Variants in ZNF644 observed in about 807,000 individuals in gnomAD.
ZNF644 encodes zinc finger protein 644.
ZNF644 carries 20 observed loss-of-function variants against 108.0 expected under a neutral mutation model. That is an observed-to-expected ratio of 0.19 (90% CI 0.13 to 0.27). ZNF644 has a LOEUF of 0.27. Ranked by LOEUF, ZNF644 falls within the 10% of genes least tolerant of loss-of-function variation. ZNF644 has a pLI of 1.00. For synonymous variants in ZNF644, 542 were observed against 539.1 expected (o/e 1.01, Z -0.08); for missense variants, 1,338 against 1,548.9 (o/e 0.86, Z 2.29).
At chr1:90,949,687 C>A (rs2101031943) in intron 2 of ZNF644, among the ~76,000 whole-genome samples, 1 of 152,136 alleles carries the variant, frequency 6.6e-6, no homozygotes, top group Admixed American at 6.5e-5. Context: ...GTAGGTATTA[C>A]AAGAAATATA....
In ZNF644 at chr1:90,937,934, T is replaced by C. The variant is rs752661331; in HGVS notation, c.3239A>G (p.Asn1080Ser). The C allele has an allele frequency of 5.0e-6, 8 of 1,613,652 alleles. No homozygotes were observed. In the Admixed American group the frequency reaches 1.3e-4, roughly 27 times the overall value. Residue 1080 changes from asparagine to serine, a missense_variant, in exon 4 of 6, where the codon AAT (asparagine) becomes AGT (serine). Physicochemically the swap from Asn to Ser is conservative, Grantham distance 46. Coordinates refer to ENST00000337393, the MANE Select transcript of ZNF644 (RefSeq NM_201269.3). ...DAHKSPICVL[N>S]EMMQNEEKYE... ...TTTTTCTTCATTTTGCATCATCTCA[T>C]TCAGAACACAGATTGGAGATTTGTG...
intron 2 of ZNF644, among the ~76,000 whole-genome samples, chr1:90,951,391 T>C (rs1653148732): frequency 6.6e-6 from 1 of 152,210 alleles, no homozygotes; most frequent in African/African-American, 2.4e-5. Flanking sequence ...TCTCCCCAAC[T>C]CACTCACTCT....
intron 2 of ZNF644, among the ~76,000 whole-genome samples, chr1:90,970,501 C>T (rs4369211): frequency 1.3e-5 from 2 of 152,188 alleles, no homozygotes; most frequent in African/African-American, 4.8e-5. Context: ...CCAAAACAAT[C>T]TAGAGAATTT....
chr1:90,967,922 G>A (rs568121428), intron 2 of ZNF644, among the ~76,000 whole-genome samples: 6 of 150,718 alleles, frequency 4.0e-5, no homozygotes, highest in African/African-American at 1.5e-4. Context: ...TTAGCCAGGA[G>A]TGGTGGCAGG....
intron 4 of ZNF644, among the ~76,000 whole-genome samples, chr1:90,925,141 A>T (rs1490550201): frequency 6.6e-6 from 1 of 152,202 alleles, no homozygotes; most frequent in African/African-American, 2.4e-5. Flanking sequence ...AGTATGCAAG[A>T]TTTACCAGGC....
At chr1:90,967,923 T>C (rs922533024) in intron 2 of ZNF644, among the ~76,000 whole-genome samples, 1 of 147,612 alleles carries the variant, frequency 6.8e-6, no homozygotes, top group Non-Finnish European at 1.5e-5. Context: ...TAGCCAGGAG[T>C]GGTGGCAGGC....
At position 90,982,554 on chromosome 1, in the gene ZNF644, G is replaced by GC. The variant is rs1656659590; in HGVS notation, c.-17-185dup. Among the ~76,000 whole-genome samples, 4 of 151,844 alleles carry GC rather than the reference G, an allele frequency of 2.6e-5. No individual in the cohort carries two copies. The South Asian group carries it at 8.3e-4, about 32-fold the overall frequency. On this transcript the variant is annotated intron_variant, in intron 1 of 5. Coordinates refer to ENST00000337393, the MANE Select transcript of ZNF644 (RefSeq NM_201269.3). ...AATCTTTAGGAAACTATTGCTAAGT[G>GC]CCCCCCAACCTCACTGCTTTTTTTG...
intron 4 of ZNF644, among the ~76,000 whole-genome samples, chr1:90,920,467 T>A (rs917617626): frequency 6.7e-6 from 1 of 148,312 alleles, no homozygotes; most frequent in African/African-American, 2.6e-5. Flanking sequence ...TAAATTTACA[T>A]GTTGTTAATA....
At position 90,979,692 on chromosome 1, in the gene ZNF644, G is replaced by A. The variant is rs77549214; in HGVS notation, c.44+2618C>T. Among the ~76,000 whole-genome samples, 281 of 152,046 alleles carry A rather than the reference G, an allele frequency of 1.8e-3. 1 individual carries two copies. Among genetic ancestry groups the A allele is most frequent in the Middle Eastern group, 6.8e-3 (2 of 294 alleles). On this transcript the variant is annotated intron_variant, in intron 2 of 5. Coordinates refer to ENST00000337393, the MANE Select transcript of ZNF644 (RefSeq NM_201269.3). ...GAAAAGTTTTCTTCACTTCTTACACGTGTGACTAGTGTTCCCAATCTTCTA... is the reference window on the plus strand; with the variant it reads ...GAAAAGTTTTCTTCACTTCTTACACATGTGACTAGTGTTCCCAATCTTCTA...
At chr1:90,959,770 AAC>A (rs1309440827) in intron 2 of ZNF644, among the ~76,000 whole-genome samples, 1 of 152,172 alleles carries the variant, frequency 6.6e-6, no homozygotes, top group Non-Finnish European at 1.5e-5. Flanking sequence ...GGGGTGATGA[AAC>A]ACTTTAGAAA....
In ZNF644 at chr1:90,940,819, A is replaced by G; in HGVS notation, c.535T>C (p.Ser179Pro). The G allele has an allele frequency of 4.3e-6, 7 of 1,614,022 alleles. No homozygotes were observed. The highest frequency in any genetic ancestry group is 5.9e-6 in the Non-Finnish European group (7 of 1,179,980). The change falls in exon 3 of 6, where the codon TCA becomes CCA. Residue 179 changes from serine to proline, a missense_variant. This residue lies in a region of ZNF644 where 464 missense variants were observed against 457.9 expected (regional missense o/e 1.01). Transcript: ENST00000337393. Reference protein sequence around the residue: ...ASQHQVLFLLSDVAHAKNPTH... With the variant: ...ASQHQVLFLLPDVAHAKNPTH... The stretch of plus-strand genomic sequence containing the variant: ...GGATTCTTAGCATGTGCTACATCTG[A>G]TAACAAAAATAAAACTTGGTGTTGA...
intron 2 of ZNF644, among the ~76,000 whole-genome samples, chr1:90,976,937 G>C (rs561718313): frequency 6.6e-6 from 1 of 152,048 alleles, no homozygotes; most frequent in East Asian, 1.9e-4. Flanking sequence ...ATGCCAATTT[G>C]TAAAAATAAC....
At position 90,938,138 on chromosome 1, in the gene ZNF644, G is replaced by T; in HGVS notation, c.3083-48C>A. On this transcript the variant is annotated intron_variant, in intron 3 of 5. Coordinates refer to ENST00000337393, the MANE Select transcript of ZNF644 (RefSeq NM_201269.3). This position sits in a 1 kb window ranked among gnomAD's most constrained non-coding sequence, Gnocchi z 4.2. ...AATATCAGACTTTCTTATATAAACT[G>T]ACCACCCTAAAATGAGTTAATTCTG... 1.2e-6 allele frequency: 2 copies of T among 1,607,050 alleles called. No individual in the cohort carries two copies. Among genetic ancestry groups the T allele is most frequent in the South Asian group, 2.2e-5 (2 of 90,400 alleles).
At chr1:90,977,786 C>G (rs1378998492) in intron 2 of ZNF644, among the ~76,000 whole-genome samples, 2 of 152,058 alleles carry the variant, frequency 1.3e-5, no homozygotes, top group Admixed American at 6.6e-5. Flanking sequence ...TTTATTGCAG[C>G]AGTACTTATA....
chr1:91,008,905 C>A (rs1323706025), intron 1 of ZNF644, among the ~76,000 whole-genome samples: 2 of 152,028 alleles, frequency 1.3e-5, no homozygotes, highest in Admixed American at 6.6e-5. Flanking sequence ...AGGCTGTGTA[C>A]CCAAAGCTGG....
intron 1 of ZNF644, among the ~76,000 whole-genome samples, chr1:91,019,392 T>C (rs1348706724): frequency 1.3e-5 from 2 of 152,230 alleles, no homozygotes; most frequent in Non-Finnish European, 1.5e-5. Flanking sequence ...AAGAAATTTA[T>C]CAAGTCCCTG....
At chr1:90,928,319 A>ATT (rs58051560) in intron 4 of ZNF644, among the ~76,000 whole-genome samples, 7 of 95,842 alleles carry the variant, frequency 7.3e-5, no homozygotes, top group African/African-American at 2.4e-4. Context: ...CACTGGGCTG[A>ATT]TTTTTTTTTT....
At chr1:90,993,626 CT>C (rs1350478297) in intron 1 of ZNF644, among the ~76,000 whole-genome samples, 1 of 152,106 alleles carries the variant, frequency 6.6e-6, no homozygotes, top group Non-Finnish European at 1.5e-5. Flanking sequence ...ATTTAGGTCT[CT>C]TAACTTTTGA....
intron 4 of ZNF644, among the ~76,000 whole-genome samples, chr1:90,927,995 C>G (rs1170929222): frequency 6.6e-6 from 1 of 151,834 alleles, no homozygotes; most frequent in Non-Finnish European, 1.5e-5. Flanking sequence ...AGGCGCCCAC[C>G]ACCACGCCTG....
Sources: gnomAD v4.1 joint callset for allele counts (sites outside exome capture counted in the v4.1 genomes callset) on GRCh38, gnomAD v4.1.1 for gene constraint, gnomAD v4.1.1 regional missense constraint, Gnocchi (gnomAD v3.1) non-coding constraint, MANE v1.5 for transcripts, NCBI Gene and HGNC (gene_info 2026-07-23, HGNC 2026-07-21) for gene names.